Variants in SCFD2 observed in about 807,000 individuals in gnomAD.
SCFD2 encodes sec1 family domain-containing protein 2.
In SCFD2, 54 loss-of-function variants were observed where a neutral mutation model predicts 58.9. The observed-to-expected ratio is 0.92, with a 90% CI of 0.74 to 1.15. SCFD2 has a LOEUF of 1.15. Ranked by LOEUF, SCFD2 falls within the 50% of genes most tolerant of loss-of-function variation. SCFD2 has a pLI of 0.00. For synonymous variants in SCFD2, 321 were observed against 335.9 expected, an observed-to-expected ratio of 0.96 and a Z score of 0.49; for missense variants, 805 against 836.6, an observed-to-expected ratio of 0.96 and a Z score of 0.47.
At chr4:53,000,407 C>A (rs1488563587) in intron 5 of SCFD2, among the ~76,000 whole-genome samples, 1 of 152,198 alleles carries the variant, frequency 6.6e-6, no homozygotes, top group Non-Finnish European at 1.5e-5. Flanking sequence ...AACTCAGCAA[C>A]AAGTGGCTGG....
intron 4 of SCFD2, among the ~76,000 whole-genome samples, chr4:53,239,022 G>A (rs1203988803): frequency 1.3e-5 from 2 of 151,940 alleles, no homozygotes; most frequent in Admixed American, 6.6e-5. Context: ...CTGGGAGGTG[G>A]AGGTTGTAGC....
At chr4:53,065,711 T>C (rs1225563041) in intron 5 of SCFD2, among the ~76,000 whole-genome samples, 2 of 152,102 alleles carry the variant, frequency 1.3e-5, no homozygotes, top group African/African-American at 4.8e-5. Context: ...TCTGTTACCA[T>C]ATCTTATCAA....
chr4:53,328,057 C>A (rs1258246006), intron 2 of SCFD2, among the ~76,000 whole-genome samples: 2 of 152,038 alleles, frequency 1.3e-5, no homozygotes, highest in Non-Finnish European at 1.5e-5. Flanking sequence ...ATTGCTTGAA[C>A]CCAGGAGGCA....
At chr4:53,057,306 A>C (rs1040053600) in intron 5 of SCFD2, among the ~76,000 whole-genome samples, 1 of 152,206 alleles carries the variant, frequency 6.6e-6, no homozygotes, top group African/African-American at 2.4e-5. Context: ...TGGTACATAT[A>C]TACCATGGAA....
chr4:53,091,912 G>C (rs1442484389), intron 5 of SCFD2, among the ~76,000 whole-genome samples: 1 of 151,836 alleles, frequency 6.6e-6, no homozygotes, highest in Non-Finnish European at 1.5e-5. Context: ...TATTATGCTG[G>C]AATATCAAAA....
intron 5 of SCFD2, among the ~76,000 whole-genome samples, chr4:52,997,183 G>A (rs1332390762): frequency 2.6e-5 from 4 of 152,114 alleles, no homozygotes; most frequent in East Asian, 1.9e-4. Context: ...ACCCCTCTGC[G>A]CCCACTTCAG....
chr4:53,330,823 C>T (rs1377585682), intron 2 of SCFD2, among the ~76,000 whole-genome samples: 1 of 151,798 alleles, frequency 6.6e-6, no homozygotes, highest in Admixed American at 6.6e-5. Flanking sequence ...GAGTCAAGAC[C>T]CATCAGTGTG....
chr4:53,176,464 C>T (rs1727333372), intron 4 of SCFD2, among the ~76,000 whole-genome samples: 1 of 152,174 alleles, frequency 6.6e-6, no homozygotes, highest in South Asian at 2.1e-4. Flanking sequence ...ACAACTTAGC[C>T]AACACAGAAA....
chr4:53,191,404 G>A (rs1247668558), intron 4 of SCFD2, among the ~76,000 whole-genome samples: 2 of 151,840 alleles, frequency 1.3e-5, no homozygotes, highest in East Asian at 3.9e-4. Context: ...TGGTTATATG[G>A]GTTTTGTTTT....
intron 5 of SCFD2, among the ~76,000 whole-genome samples, chr4:52,975,162 T>C (rs2109557418): frequency 6.6e-6 from 1 of 152,112 alleles, no homozygotes; most frequent in East Asian, 1.9e-4. Flanking sequence ...AAGCCAAAAT[T>C]GACAAATGGG....
intron 5 of SCFD2, among the ~76,000 whole-genome samples, chr4:52,984,205 C>A (rs1006222427): frequency 6.6e-6 from 1 of 152,136 alleles, no homozygotes; most frequent in Non-Finnish European, 1.5e-5. Context: ...TCCAAGGGCA[C>A]CTTTTGTAAA....
At chr4:52,949,156 C>T (rs1720520485) in intron 5 of SCFD2, 1 of 152,224 alleles carries the variant, frequency 6.6e-6, no homozygotes, top group African/African-American at 2.4e-5. Flanking sequence ...CATCAGTTTA[C>T]TATACACATG....
At chr4:53,219,337 C>T (rs1332062963) in intron 4 of SCFD2, among the ~76,000 whole-genome samples, 4 of 152,332 alleles carry the variant, frequency 2.6e-5, no homozygotes, top group East Asian at 1.9e-4. Flanking sequence ...TCAGCAATGG[C>T]GGGCGCCCCT....
At chr4:53,301,736 C>A in intron 3 of SCFD2, among the ~76,000 whole-genome samples, 1 of 152,118 alleles carries the variant, frequency 6.6e-6, no homozygotes, top group East Asian at 1.9e-4. Context: ...AGCAACACAT[C>A]AAAAAGCTTA....
chr4:52,958,711 T>C (rs1307717736), intron 5 of SCFD2, among the ~76,000 whole-genome samples: 1 of 152,178 alleles, frequency 6.6e-6, no homozygotes, highest in Non-Finnish European at 1.5e-5. Flanking sequence ...GGAGGAAACG[T>C]GTGGCTAGAG....
chr4:53,209,596 T>C (rs1341683563), intron 4 of SCFD2, among the ~76,000 whole-genome samples: 1 of 152,112 alleles, frequency 6.6e-6, no homozygotes, highest in African/African-American at 2.4e-5. Flanking sequence ...TCACTGTGTA[T>C]TCAACTAAAA....
In SCFD2 at chr4:53,007,493, G is replaced by A. The variant is rs114283655; in HGVS notation, c.1562-86623C>T. On this transcript the variant is annotated intron_variant, in intron 5 of 8. Transcript: ENST00000401642. ...CTTTGAAAATTTAAAAGCACTGTGA[G>A]AGGTAGCTTAGTACAGAGTTAAGAG... 7.3e-3 allele frequency among the ~76,000 whole-genome samples: 1,106 copies of A among 152,210 alleles called. 15 individuals are homozygous for A. Among genetic ancestry groups the A allele is most frequent in the African/African-American group, 0.026 (1,064 of 41,510 alleles).
At chr4:53,352,235 C>T (rs1352383147) in intron 2 of SCFD2, among the ~76,000 whole-genome samples, 1 of 152,096 alleles carries the variant, frequency 6.6e-6, no homozygotes, top group African/African-American at 2.4e-5. Flanking sequence ...GTTTGAGTTG[C>T]TTTTTAGTGA....
chr4:53,079,094 C>T (rs1323453763), intron 5 of SCFD2, among the ~76,000 whole-genome samples: 2 of 151,996 alleles, frequency 1.3e-5, no homozygotes, highest in African/African-American at 4.8e-5. Context: ...AACTGGAGAA[C>T]CAGGAAAGCT....
Sources: gnomAD v4.1 joint callset for allele counts (sites outside exome capture counted in the v4.1 genomes callset) on GRCh38, gnomAD v4.1.1 for gene constraint, MANE v1.5 for transcripts, NCBI Gene and HGNC (gene_info 2026-07-23, HGNC 2026-07-21) for gene names.